Variants in NEMF observed in about 807,000 individuals in gnomAD.
NEMF encodes the protein nuclear export mediator factor.
In NEMF, 89 loss-of-function variants were observed where a neutral mutation model predicts 162.2. That is an observed-to-expected ratio of 0.55 (90% CI 0.46 to 0.65). The LOEUF (loss-of-function observed/expected upper bound fraction) is 0.65, where lower values mean the gene tolerates loss of function less well. NEMF is among the 30% of genes least tolerant of loss of function. The pLI is 0.00. For missense variants in NEMF, 1,133 were observed against 1,261.9 expected (o/e 0.90, Z 1.55); for synonymous variants, 421 against 404.5 (o/e 1.04, Z -0.49).
At chr14:49,851,464 A>G (rs560741216) in intron 3 of NEMF, 99 bp downstream of exon 3, 9 of 775,300 alleles carry the variant, frequency 1.2e-5, no homozygotes, top group Non-Finnish European at 1.8e-5. Flanking sequence ...CCTTCATTTT[A>G]TCTGCACTTT....
At chr14:49,813,933 C>G in intron 18 of NEMF, 55 bp downstream of exon 18, 1 of 1,090,930 alleles carries the variant, frequency 9.2e-7, no homozygotes. Context: ...TACAGTCACA[C>G]TAAAAATATT....
At chr14:49,830,206 CA>C (rs769630266) in intron 11 of NEMF, among the ~76,000 whole-genome samples, 11 of 151,850 alleles carry the variant, frequency 7.2e-5, no homozygotes, top group Non-Finnish European at 1.5e-4. Context: ...AAATAATTAC[CA>C]AAATAAATCA....
chr14:49,833,929 T>C (rs895283792), intron 7 of NEMF, among the ~76,000 whole-genome samples: 1 of 152,180 alleles, frequency 6.6e-6, no homozygotes, highest in Non-Finnish European at 1.5e-5. Context: ...ATGCTTTTGC[T>C]CCATATAAAC....
chr14:49,796,496 T>G (rs1451341296), intron 25 of NEMF, among the ~76,000 whole-genome samples: 1 of 151,786 alleles, frequency 6.6e-6, no homozygotes, highest in Non-Finnish European at 1.5e-5. Flanking sequence ...TAAAACGGAG[T>G]TTGTGCCACC....
intron 15 of NEMF, among the ~76,000 whole-genome samples, chr14:49,827,969 C>G (rs577710470): frequency 6.7e-4 from 102 of 152,192 alleles, no homozygotes; most frequent in Non-Finnish European, 1.1e-3. Flanking sequence ...GAGTAGTAGC[C>G]AGATTCTGGC....
chr14:49,841,162 A>C (rs1893182136), intron 4 of NEMF, among the ~76,000 whole-genome samples: 4 of 142,664 alleles, frequency 2.8e-5, no homozygotes, highest in Admixed American at 2.2e-4. Flanking sequence ...GCACCACTGC[A>C]TTCCAGCCTG....
intron 25 of NEMF, among the ~76,000 whole-genome samples, chr14:49,798,799 C>G (rs565307185): frequency 6.6e-6 from 1 of 151,988 alleles, no homozygotes; most frequent in African/African-American, 2.4e-5. Context: ...CCCAGCTACT[C>G]GGGAGGCTGA....
chr14:49,846,112 T>C, intron 4 of NEMF, 28 bp downstream of exon 4: 1 of 1,598,884 alleles, frequency 6.3e-7, no homozygotes, highest in Non-Finnish European at 8.5e-7. Context: ...GAAATTTTCC[T>C]TCACCATATC....
chr14:49,846,527 G>A (rs1566713230), intron 3 of NEMF, among the ~76,000 whole-genome samples: 1 of 152,190 alleles, frequency 6.6e-6, no homozygotes, highest in Non-Finnish European at 1.5e-5. Context: ...GCCCAGTGGT[G>A]TGATCATGGC....
At chr14:49,811,232 A>C (rs569272592) in intron 18 of NEMF, among the ~76,000 whole-genome samples, 14 of 152,296 alleles carry the variant, frequency 9.2e-5, no homozygotes, top group African/African-American at 3.4e-4. Flanking sequence ...GAATTGTTTT[A>C]TTAATTTCCT....
chr14:49,797,091 A>C (rs569172289), intron 25 of NEMF, among the ~76,000 whole-genome samples: 1 of 152,346 alleles, frequency 6.6e-6, no homozygotes, highest in East Asian at 1.9e-4. Context: ...TCTTGAAGGC[A>C]TGAGCTTTAT....
intron 18 of NEMF, among the ~76,000 whole-genome samples, chr14:49,806,540 A>G (rs558637996): frequency 3.3e-5 from 5 of 151,720 alleles, no homozygotes; most frequent in South Asian, 4.2e-4. Flanking sequence ...AACTACAGGC[A>G]TGAGCCACCG....
chr14:49,788,201 T>G (rs569496360), intron 28 of NEMF, among the ~76,000 whole-genome samples: 1 of 134,268 alleles, frequency 7.4e-6, no homozygotes, highest in South Asian at 2.3e-4. Flanking sequence ...ATTGCTTGAA[T>G]CCGGGAGGTG....
Position 49,799,469 on chromosome 14 carries a change from G to A in NEMF, c.2465+6C>T, listed in dbSNP as rs1055583391. The A allele has an allele frequency of 1.2e-6, 2 of 1,605,786 alleles. No homozygotes were observed. The highest frequency in any genetic ancestry group is 1.1e-5 in the South Asian group (1 of 89,160). ...CTTTTTAGTTAATTAACACAGATGTGTTTACCTTCTTTCCTTGGCTGACAA... is the reference window on the plus strand; with the variant it reads ...CTTTTTAGTTAATTAACACAGATGTATTTACCTTCTTTCCTTGGCTGACAA... On this transcript the variant is annotated splice_donor_region_variant and intron_variant, in intron 25 of 32. Transcript: ENST00000298310.
At chr14:49,818,098 T>C (rs1010693796) in intron 16 of NEMF, among the ~76,000 whole-genome samples, 27 of 150,258 alleles carry the variant, frequency 1.8e-4, no homozygotes, top group Non-Finnish European at 3.4e-4. Flanking sequence ...TTTTTTTTTT[T>C]TTTTTCCGAG....
In NEMF at chr14:49,821,391, G is replaced by A. The variant is rs1437931136; in HGVS notation, c.1577+4476C>T. On this transcript the variant is annotated intron_variant, in intron 16 of 32. Transcript: ENST00000298310. ...GGGTCAGCCCCCCGCCCGGCCAGCC[G>A]CCCCGTCCGGGAGGGAGGTGGGAGG... 2.9e-4 allele frequency among the ~76,000 whole-genome samples: 2 copies of A among 6,852 alleles called. 1 individual carries two copies. The highest frequency in any genetic ancestry group is 3.2e-4 in the African/African-American group (2 of 6,324). The allele number at this position is 6,852 out of a possible 152,430, so 4.5% of individuals were successfully genotyped here.
Position 49,782,278 on chromosome 14 carries a change from C to T in NEMF, c.*2358G>A, listed in dbSNP as rs1889941209. Reference sequence around the variant, plus strand: ...GTTTTGGTCTGAACTACCTTAAGATCGCTAGTCTTTATTTCATAGCTCTAT... The same window carrying T: ...GTTTTGGTCTGAACTACCTTAAGATTGCTAGTCTTTATTTCATAGCTCTAT... On this transcript the variant is annotated 3_prime_UTR_variant, in exon 33 of 33. Coordinates refer to ENST00000298310, the MANE Select transcript of NEMF (RefSeq NM_004713.6). 3.1e-5 allele frequency: 24 copies of T among 769,138 alleles called. No individual in the cohort carries two copies. Among genetic ancestry groups the T allele is most frequent in the South Asian group, 1.8e-4 (10 of 54,282 alleles). The allele number at this position is 769,138 out of a possible 1,614,324, so 47.6% of individuals were successfully genotyped here.
chr14:49,789,393 G>C, intron 27 of NEMF, 50 bp from the exon 28 acceptor site: 1 of 1,608,508 alleles, frequency 6.2e-7, no homozygotes, highest in Non-Finnish European at 8.5e-7. Context: ...TCAATACTGT[G>C]AATATTTTAA....
intron 19 of NEMF, among the ~76,000 whole-genome samples, chr14:49,805,424 A>C (rs1008598722): frequency 1.3e-5 from 2 of 152,102 alleles, no homozygotes; most frequent in Non-Finnish European, 2.9e-5. Flanking sequence ...GCATTTTGGG[A>C]GGCTGAAGCA....
Sources: gnomAD v4.1 joint callset for allele counts (sites outside exome capture counted in the v4.1 genomes callset) on GRCh38, gnomAD v4.1.1 for gene constraint, MANE v1.5 for transcripts, NCBI Gene and HGNC (gene_info 2026-07-23, HGNC 2026-07-21) for gene names.